RBMS3: variants seen among roughly 807,000 people sequenced by gnomAD.
RBMS3 encodes the protein RNA-binding motif, single-stranded-interacting protein 3.
Under a neutral mutation model 66.8 loss-of-function variants are expected in RBMS3, and 27 were observed. The ratio of observed to expected loss-of-function variants is 0.40; its 90% CI spans 0.30 to 0.56. RBMS3 has a LOEUF of 0.56. Ranked by LOEUF, RBMS3 falls within the 20% of genes least tolerant of loss-of-function variation. The pLI, the probability that RBMS3 is intolerant of heterozygous loss-of-function variation, is 0.40. For missense variants in RBMS3, 513 were observed against 549.5 expected (o/e 0.93, Z 0.66); for synonymous variants, 188 against 183.0 (o/e 1.03, Z -0.22).
At position 29,912,332 on chromosome 3, in the gene RBMS3, A is replaced by T. The variant is rs576334381; in HGVS notation, c.939+12577A>T. ...CAGGTGCCGTTAGACAAGGATACTG[A>T]CAAAGGTTTCTGAGAAAATTAAAGA... On this transcript the variant is annotated intron_variant, in intron 10 of 14. Coordinates refer to ENST00000383767, the MANE Select transcript of RBMS3 (RefSeq NM_001003793.3). 2.0e-5 allele frequency among the ~76,000 whole-genome samples: 3 copies of T among 152,168 alleles called. No homozygotes were observed. In the South Asian group the frequency reaches 6.2e-4, roughly 32 times the overall value.
intron 3 of RBMS3, among the ~76,000 whole-genome samples, chr3:29,553,448 A>G (rs1296288395): frequency 6.6e-6 from 1 of 152,124 alleles, no homozygotes; most frequent in Non-Finnish European, 1.5e-5. Context: ...CCCAGTTTAG[A>G]CAGAGGGGAT....
chr3:29,793,732 C>T (rs760363422), intron 6 of RBMS3, among the ~76,000 whole-genome samples: 1 of 152,194 alleles, frequency 6.6e-6, no homozygotes, highest in African/African-American at 2.4e-5. Flanking sequence ...GTGGCTTACA[C>T]GCTGTTTCAG....
chr3:29,973,224 G>C (rs898898714), intron 12 of RBMS3, among the ~76,000 whole-genome samples: 6 of 151,960 alleles, frequency 3.9e-5, no homozygotes, highest in African/African-American at 1.4e-4. Context: ...AAAGAAAACA[G>C]AATGTTAAGG....
At chr3:29,329,653 A>C (rs537192663) in intron 1 of RBMS3, among the ~76,000 whole-genome samples, 9 of 152,066 alleles carry the variant, frequency 5.9e-5, no homozygotes, top group African/African-American at 2.2e-4. Context: ...GCCTATTCAA[A>C]GAAAATGAAG....
At chr3:29,663,544 C>T (rs1178024749) in intron 4 of RBMS3, among the ~76,000 whole-genome samples, 2 of 152,124 alleles carry the variant, frequency 1.3e-5, no homozygotes, top group African/African-American at 4.8e-5. Flanking sequence ...GAAAAATAAG[C>T]TCCTCTTGAA....
chr3:29,403,013 A>T (rs1332969434), intron 1 of RBMS3, among the ~76,000 whole-genome samples: 1 of 152,052 alleles, frequency 6.6e-6, no homozygotes, highest in Non-Finnish European at 1.5e-5. Flanking sequence ...ACTGAAAAAA[A>T]AAAGTATAAG....
rs79434324 is a variant in RBMS3, at chr3:29,878,065, T to G, written c.745-6097T>G. ...CAGGGTGAAGCTCTTCCACCTCAGA[T>G]CGTCAGGCATTAGTTAGATTCTCAA... is the stretch of plus-strand genomic sequence containing the variant. On this transcript the variant is annotated intron_variant, in intron 7 of 14. Coordinates refer to ENST00000383767, the MANE Select transcript of RBMS3 (RefSeq NM_001003793.3). Among the ~76,000 whole-genome samples, 1,072 of 152,172 alleles carry G rather than the reference T, an allele frequency of 7.0e-3. 27 individuals carry two copies. The East Asian group carries it at 0.087, about 12-fold the overall frequency.
chr3:29,896,883 G>C lies in RBMS3; in HGVS notation c.792-496G>C, dbSNP rs575766135. Among the ~76,000 whole-genome samples the C allele has an allele frequency of 8.6e-5, 13 of 151,656 alleles. No individual in the cohort carries two copies. The East Asian group carries it at 1.8e-3, about 20-fold the overall frequency. ...TCCCATTCCAACCTCGATACAAATT[G>C]TCCTGTTGCTTCTCTTTTCATGGAG... On this transcript the variant is annotated intron_variant, in intron 8 of 14. Coordinates refer to ENST00000383767, the MANE Select transcript of RBMS3 (RefSeq NM_001003793.3).
At chr3:29,368,891 G>C (rs1326230400) in intron 1 of RBMS3, among the ~76,000 whole-genome samples, 3 of 152,074 alleles carry the variant, frequency 2.0e-5, no homozygotes, top group Admixed American at 2.0e-4. Context: ...ATTCACAATA[G>C]CAAAGACATA....
At chr3:29,362,725 T>G (rs2037673791) in intron 1 of RBMS3, among the ~76,000 whole-genome samples, 1 of 152,222 alleles carries the variant, frequency 6.6e-6, no homozygotes, top group Admixed American at 6.5e-5. Context: ...ACTTTTTAGA[T>G]TGAGCCATAT....
chr3:29,598,836 AT>A (rs1461752830), intron 4 of RBMS3, among the ~76,000 whole-genome samples: 3 of 151,622 alleles, frequency 2.0e-5, no homozygotes, highest in Non-Finnish European at 2.9e-5. Context: ...ATAAACTTAG[AT>A]TTTTTTTTAA....
At chr3:29,467,666 T>C (rs555269069) in intron 2 of RBMS3, among the ~76,000 whole-genome samples, 1 of 152,328 alleles carries the variant, frequency 6.6e-6, no homozygotes, top group Non-Finnish European at 1.5e-5. Flanking sequence ...ATGAAAACTC[T>C]TCACAAATTA....
intron 12 of RBMS3, among the ~76,000 whole-genome samples, chr3:29,985,586 C>T (rs1698326778): frequency 6.6e-6 from 1 of 152,120 alleles, no homozygotes; most frequent in Non-Finnish European, 1.5e-5. Flanking sequence ...TCACGGCTTC[C>T]CTTGGCTAGG....
At chr3:29,968,485 C>A (rs1026604425) in intron 12 of RBMS3, among the ~76,000 whole-genome samples, 1 of 152,184 alleles carries the variant, frequency 6.6e-6, no homozygotes, top group East Asian at 1.9e-4. Context: ...CAGGAATGGG[C>A]TGCTTGAGGA....
chr3:29,391,488 G>C (rs1040895233), intron 1 of RBMS3, among the ~76,000 whole-genome samples: 2 of 152,184 alleles, frequency 1.3e-5, no homozygotes, highest in African/African-American at 4.8e-5. Context: ...AGTTCAATTA[G>C]AAAAACGGTG....
intron 4 of RBMS3, among the ~76,000 whole-genome samples, chr3:29,598,834 A>G (rs1327720095): frequency 1.3e-5 from 2 of 152,072 alleles, no homozygotes; most frequent in Admixed American, 1.3e-4. Context: ...TTATAAACTT[A>G]GATTTTTTTT....
chr3:29,671,651 G>C (rs1459729843), intron 4 of RBMS3, among the ~76,000 whole-genome samples: 1 of 152,182 alleles, frequency 6.6e-6, no homozygotes, highest in African/African-American at 2.4e-5. Context: ...AGCTTCAGTA[G>C]CTAATTCGAT....
chr3:29,884,470 C>CTCTCTCTCTCT (rs1491200120), intron 8 of RBMS3, among the ~76,000 whole-genome samples: 3 of 70,542 alleles, frequency 4.3e-5, no homozygotes, highest in South Asian at 5.3e-4. Context: ...CTCTCTCTCT[C>CTCTCTCTCTCT]CCCCCCCGCT....
chr3:29,720,838 G>T (rs1031807639), intron 4 of RBMS3, among the ~76,000 whole-genome samples: 3 of 151,976 alleles, frequency 2.0e-5, no homozygotes, highest in Non-Finnish European at 2.9e-5. Flanking sequence ...GTAATTATCT[G>T]GTGCCAAAGA....
Sources: gnomAD v4.1 joint callset for allele counts (sites outside exome capture counted in the v4.1 genomes callset) on GRCh38, gnomAD v4.1.1 for gene constraint, MANE v1.5 for transcripts, NCBI Gene and HGNC (gene_info 2026-07-23, HGNC 2026-07-21) for gene names.